Variants in GSTA5 observed in about 807,000 individuals in gnomAD.
The protein encoded by GSTA5 is glutathione S-transferase alpha 5, also known as glutathione S-transferase A5.
Under a neutral mutation model 21.8 loss-of-function variants are expected in GSTA5, and 25 were observed. That is an observed-to-expected ratio of 1.14 (90% CI 0.83 to 1.60). GSTA5 has a LOEUF of 1.60. GSTA5 is among the 40% of genes most tolerant of loss of function. The pLI, the probability that GSTA5 is intolerant of heterozygous loss-of-function variation, is 0.00. For missense variants in GSTA5, 330 were observed against 259.2 expected (o/e 1.27, Z -1.88); for synonymous variants, 102 against 89.5 (o/e 1.14, Z -0.78).
intron 5 of GSTA5, among the ~76,000 whole-genome samples, chr6:52,832,357 T>G (rs1297289608): frequency 6.6e-6 from 1 of 152,070 alleles, no homozygotes; most frequent in Non-Finnish European, 1.5e-5. Flanking sequence ...TAGAAAACAT[T>G]AAACACAAAC....
At chr6:52,831,823 G>A in exon 6 of GSTA5, 3 of 1,613,544 alleles carry the variant, frequency 1.9e-6, no homozygotes, top group East Asian at 2.2e-5. Flanking sequence ...GGTCTGGCAT[G>A]TTCTTGGCCT....
intron 1 of GSTA5, among the ~76,000 whole-genome samples, chr6:52,838,553 C>A (rs1275553050): frequency 1.3e-5 from 2 of 152,224 alleles, no homozygotes; most frequent in African/African-American, 4.8e-5. Context: ...AGACAAGTCA[C>A]TTTGGTGGAA....
At chr6:52,837,600 T>C in exon 2 of GSTA5, 1 of 1,608,396 alleles carries the variant, frequency 6.2e-7, no homozygotes, top group Non-Finnish European at 8.5e-7. Context: ...TCTAGAAATT[T>C]CTCTTCCAAC....
intron 1 of GSTA5, among the ~76,000 whole-genome samples, chr6:52,839,466 C>T (rs1764341846): frequency 6.6e-6 from 1 of 152,178 alleles, no homozygotes; most frequent in South Asian, 2.1e-4. Flanking sequence ...TTCTTATGTG[C>T]TTATTTCTTC....
At chr6:52,840,613 A>C in intron 1 of GSTA5, 114 bp downstream of exon 1, 3 of 999,060 alleles carry the variant, frequency 3.0e-6, no homozygotes, top group East Asian at 4.9e-5. Flanking sequence ...ATTACAGTCC[A>C]TTTTTATTTA....
chr6:52,840,769 A>T, exon 1 of GSTA5: 3 of 1,614,154 alleles, frequency 1.9e-6, no homozygotes, highest in Non-Finnish European at 8.5e-7. Flanking sequence ...TGGACTCCAT[A>T]CTGCCCCGTG....
chr6:52,832,664 AC>A (rs1439793619), intron 5 of GSTA5, among the ~76,000 whole-genome samples, 194 bp downstream of exon 5: 3 of 152,186 alleles, frequency 2.0e-5, no homozygotes, highest in African/African-American at 7.2e-5. Flanking sequence ...GTTAGCATGC[AC>A]CACAAATTTC....
chr6:52,840,926 A>G, upstream of GSTA5: 3 of 890,982 alleles, frequency 3.4e-6, no homozygotes, highest in Non-Finnish European at 5.1e-6. Flanking sequence ...AACAATGCTG[A>G]AGAAGAACCT....
In GSTA5 at chr6:52,832,910, G is replaced by T; in HGVS notation, c.495C>A (p.Tyr165Ter). ...GACTCGAGTCAAGCTCTTCCACGTA[G>T]TAGAAAAGTTCCACCAGGTGAATGT... is the stretch of plus-strand genomic sequence containing the variant. Residue 165 changes from tyrosine to a stop codon, truncating the protein, a stop_gained, in exon 5 of 6, where the codon TAC becomes TAA. Transcript: ENST00000370989. LOFTEE classifies it high-confidence loss of function. 6.2e-7 allele frequency: 1 copy of T among 1,614,142 alleles called. No individual in the cohort carries two copies. Among genetic ancestry groups the T allele is most frequent in the Non-Finnish European group, 8.5e-7 (1 of 1,180,006 alleles).
At chr6:52,834,778 G>T (rs1764269583) in intron 3 of GSTA5, among the ~76,000 whole-genome samples, 1 of 152,050 alleles carries the variant, frequency 6.6e-6, no homozygotes, top group South Asian at 2.1e-4. Context: ...ACAGCTCCCA[G>T]GGCTCCTGTG....
intron 1 of GSTA5, among the ~76,000 whole-genome samples, chr6:52,839,157 G>A (rs1174340803): frequency 2.0e-5 from 3 of 152,196 alleles, no homozygotes; most frequent in Non-Finnish European, 4.4e-5. Flanking sequence ...GGGTAGACAA[G>A]GTGGGGTGGG....
chr6:52,845,658 C>T (rs750038483), upstream of GSTA5, among the ~76,000 whole-genome samples: 44 of 152,084 alleles, frequency 2.9e-4, no homozygotes, highest in Non-Finnish European at 2.6e-4. Flanking sequence ...ATTTTCACAG[C>T]CAATATAGTA....
intron 4 of GSTA5, 150 bp downstream of exon 4, chr6:52,833,991 T>C: frequency 1.2e-6 from 1 of 810,358 alleles, no homozygotes; most frequent in Non-Finnish European, 2.1e-6. Flanking sequence ...CAAGTCTATT[T>C]GCATAAGAGG....
upstream of GSTA5, among the ~76,000 whole-genome samples, chr6:52,845,361 C>T (rs1455255139): frequency 4.6e-5 from 7 of 152,010 alleles, no homozygotes; most frequent in Non-Finnish European, 1.0e-4. Context: ...GTCACATCTG[C>T]GGGGAGGGAG....
At chr6:52,844,094 C>A (rs539131100), upstream of GSTA5, among the ~76,000 whole-genome samples, 1 of 152,204 alleles carries the variant, frequency 6.6e-6, no homozygotes, top group African/African-American at 2.4e-5. Flanking sequence ...TCTGCAACAA[C>A]CCTGGGAAAT....
At chr6:52,844,718 T>C (rs756830360), upstream of GSTA5, among the ~76,000 whole-genome samples, 12 of 152,094 alleles carry the variant, frequency 7.9e-5, no homozygotes, top group Non-Finnish European at 1.6e-4. Context: ...CTTTTGAGGG[T>C]TGTTGAGAAA....
At chr6:52,836,179 A>G (rs764035535) in intron 3 of GSTA5, 57 bp downstream of exon 3, 12 of 1,592,350 alleles carry the variant, frequency 7.5e-6, no homozygotes, top group Non-Finnish European at 1.0e-5. Context: ...CCACTCAAAG[A>G]AGGACTTAAA....
upstream of GSTA5, among the ~76,000 whole-genome samples, chr6:52,844,176 TG>T (rs1386435057): frequency 6.6e-6 from 1 of 152,218 alleles, no homozygotes; most frequent in Non-Finnish European, 1.5e-5. Context: ...GCTGCACACT[TG>T]GTGAGTGTTG....
chr6:52,833,238 A>G (rs1328471461), intron 4 of GSTA5, among the ~76,000 whole-genome samples: 1 of 152,042 alleles, frequency 6.6e-6, no homozygotes, highest in African/African-American at 2.4e-5. Context: ...TGTCTACACA[A>G]CCCACCCAGC....
Sources: allele counts gnomAD v4.1 joint callset (sites outside exome capture counted in the v4.1 genomes callset), GRCh38; gene constraint gnomAD v4.1.1; transcripts MANE v1.5; gene names NCBI Gene and HGNC (gene_info 2026-07-23, HGNC 2026-07-21).